Variants in ACYP2 observed in about 807,000 individuals in gnomAD.
ACYP2 encodes acylphosphatase 2.
Under a neutral mutation model 11.2 loss-of-function variants are expected in ACYP2, and 12 were observed. That is an observed-to-expected ratio of 1.08 (90% CI 0.69 to 1.74). ACYP2 has a LOEUF of 1.74. Ranked by LOEUF, ACYP2 falls within the 40% of genes most tolerant of loss-of-function variation. The pLI is 0.00. For synonymous variants in ACYP2, 43 were observed against 32.2 expected (o/e 1.33, Z -1.13); for missense variants, 134 against 101.9 (o/e 1.31, Z -1.35).
chr2:54,228,466 T>C (rs1332863457), intron 6 of ACYP2, among the ~76,000 whole-genome samples: 3 of 152,216 alleles, frequency 2.0e-5, no homozygotes, highest in Non-Finnish European at 4.4e-5. Context: ...AGAAACTTAC[T>C]TAAGGTCATA....
At chr2:54,007,255 CTTT>C (rs35008364) in intron 2 of ACYP2, among the ~76,000 whole-genome samples, 2 of 120,720 alleles carry the variant, frequency 1.7e-5, no homozygotes, top group Non-Finnish European at 1.7e-5. Flanking sequence ...CATGGTTTTT[CTTT>C]TTTTTTTTTT....
intron 6 of ACYP2, among the ~76,000 whole-genome samples, chr2:54,167,864 A>C (rs1683060364): frequency 6.6e-6 from 1 of 152,104 alleles, no homozygotes; most frequent in Non-Finnish European, 1.5e-5. Flanking sequence ...CTGTGATGGA[A>C]TTGTTTTGAG....
chr2:54,171,246 C>A (rs1683209617), intron 6 of ACYP2, among the ~76,000 whole-genome samples: 1 of 152,098 alleles, frequency 6.6e-6, no homozygotes, highest in Non-Finnish European at 1.5e-5. Context: ...CAAATACGAC[C>A]CTTTTAATCT....
intron 2 of ACYP2, among the ~76,000 whole-genome samples, chr2:54,004,445 C>G (rs1672953928): frequency 8.0e-6 from 1 of 124,746 alleles, no homozygotes; most frequent in African/African-American, 3.1e-5. Flanking sequence ...GAGTCTCGCT[C>G]TATCGCCCAG....
intron 6 of ACYP2, among the ~76,000 whole-genome samples, chr2:54,195,183 G>A (rs1424064482): frequency 6.6e-6 from 1 of 152,112 alleles, no homozygotes; most frequent in Non-Finnish European, 1.5e-5. Flanking sequence ...TGGGAATGTG[G>A]TCACTGCTAT....
chr2:54,138,824 G>T (rs1217217018), intron 6 of ACYP2, 76 bp downstream of exon 3: 3 of 1,223,178 alleles, frequency 2.5e-6, no homozygotes, highest in Non-Finnish European at 3.5e-6. Context: ...ACATGGTCTT[G>T]CTCTGTTGCC....
intron 2 of ACYP2, among the ~76,000 whole-genome samples, chr2:54,016,004 G>T (rs937006530): frequency 6.6e-6 from 1 of 152,026 alleles, no homozygotes; most frequent in Non-Finnish European, 1.5e-5. Flanking sequence ...GTCAGAACAA[G>T]CCATAAGCCC....
At chr2:53,985,023 A>G (rs1388476188) in intron 2 of ACYP2, among the ~76,000 whole-genome samples, 2 of 152,024 alleles carry the variant, frequency 1.3e-5, no homozygotes, top group African/African-American at 4.8e-5. Context: ...CAGCATTAAT[A>G]AACAATCCCA....
chr2:54,134,507 A>G (rs968058085), intron 4 of ACYP2, among the ~76,000 whole-genome samples: 2 of 152,206 alleles, frequency 1.3e-5, no homozygotes, highest in Non-Finnish European at 2.9e-5. Flanking sequence ...ATTTTATGCC[A>G]AGTATACTCA....
At chr2:54,037,199 GCCT>G (rs1674948313) in intron 2 of ACYP2, among the ~76,000 whole-genome samples, 1 of 151,674 alleles carries the variant, frequency 6.6e-6, no homozygotes, top group Non-Finnish European at 1.5e-5. Context: ...TAGAACCTCT[GCCT>G]CCCAGGCTCA....
At chr2:54,235,511 GC>G (rs1686435993) in intron 6 of ACYP2, among the ~76,000 whole-genome samples, 1 of 151,968 alleles carries the variant, frequency 6.6e-6, no homozygotes, top group South Asian at 2.1e-4. Context: ...ACCATGCCTG[GC>G]TAAATTTTTT....
chr2:53,999,626 T>C (rs1375212505), intron 2 of ACYP2, among the ~76,000 whole-genome samples: 2 of 152,166 alleles, frequency 1.3e-5, no homozygotes, highest in Non-Finnish European at 2.9e-5. Context: ...AAACAGGCCC[T>C]GTTTTATAAC....
intron 4 of ACYP2, among the ~76,000 whole-genome samples, chr2:54,074,585 T>G (rs927249161): frequency 1.7e-5 from 1 of 57,844 alleles, no homozygotes; most frequent in African/African-American, 4.8e-5. Flanking sequence ...AATTTGTGTG[T>G]GTGTGTGTGT....
chr2:54,186,896 T>G (rs183549331), intron 6 of ACYP2, among the ~76,000 whole-genome samples: 8 of 152,196 alleles, frequency 5.3e-5, no homozygotes, highest in Admixed American at 2.0e-4. Flanking sequence ...ATATACTATA[T>G]AGTAAAATAC....
intron 6 of ACYP2, among the ~76,000 whole-genome samples, chr2:54,146,213 G>A (rs1681873853): frequency 6.6e-6 from 1 of 152,170 alleles, no homozygotes; most frequent in Non-Finnish European, 1.5e-5. Flanking sequence ...GAGGTTTGAT[G>A]TCATTCGAAT....
At chr2:54,043,478 T>C (rs1218718726) in intron 2 of ACYP2, among the ~76,000 whole-genome samples, 1 of 152,228 alleles carries the variant, frequency 6.6e-6, no homozygotes, top group Non-Finnish European at 1.5e-5. Flanking sequence ...TGCCTGACTT[T>C]CAAATGCCCT....
chr2:54,167,863 A>G (rs1200759386), intron 6 of ACYP2, among the ~76,000 whole-genome samples: 1 of 152,092 alleles, frequency 6.6e-6, no homozygotes, highest in East Asian at 1.9e-4. Flanking sequence ...TCTGTGATGG[A>G]ATTGTTTTGA....
intron 6 of ACYP2, among the ~76,000 whole-genome samples, chr2:54,304,423 G>A (rs1176051004): frequency 2.0e-5 from 3 of 152,008 alleles, no homozygotes; most frequent in African/African-American, 4.8e-5. Context: ...TTAAGTTGGC[G>A]GGTGGGGGAG....
At chr2:54,271,575 C>A (rs1688307022) in intron 6 of ACYP2, among the ~76,000 whole-genome samples, 1 of 151,998 alleles carries the variant, frequency 6.6e-6, no homozygotes, top group Admixed American at 6.6e-5. Context: ...ATTCCCTATC[C>A]CTCTGTGCAC....
Sources: gnomAD v4.1 joint callset for allele counts (sites outside exome capture counted in the v4.1 genomes callset) on GRCh38, gnomAD v4.1.1 for gene constraint, MANE v1.5 for transcripts, NCBI Gene and HGNC (gene_info 2026-07-23, HGNC 2026-07-21) for gene names.